ITIH5: variants seen among roughly 807,000 people sequenced by gnomAD.
ITIH5 encodes the protein inter-alpha-trypsin inhibitor heavy chain 5, also known as inter-alpha-trypsin inhibitor heavy chain H5.
A neutral mutation model predicts 77.5 loss-of-function variants in ITIH5; 65 were observed. That is an observed-to-expected ratio of 0.84 (90% CI 0.69 to 1.03). ITIH5 has a LOEUF of 1.03. Ranked by LOEUF, ITIH5 falls within the 50% of genes least tolerant of loss-of-function variation. The pLI is 0.00. For missense variants in ITIH5, 1,208 were observed against 1,213.1 expected (o/e 1.00, Z 0.06); for synonymous variants, 525 against 494.3 (o/e 1.06, Z -0.82).
intron 7 of ITIH5, among the ~76,000 whole-genome samples, chr10:7,598,151 C>A (rs901928763): frequency 6.6e-6 from 1 of 152,152 alleles, no homozygotes; most frequent in Non-Finnish European, 1.5e-5. Flanking sequence ...TCGTGCAATG[C>A]CAAGTTCCTT....
intron 7 of ITIH5, among the ~76,000 whole-genome samples, chr10:7,613,239 T>C (rs1202954361): frequency 2.1e-5 from 3 of 143,690 alleles, no homozygotes; most frequent in Admixed American, 6.8e-5. Flanking sequence ...GAGTGAGACT[T>C]CGTCTCAAAA....
chr10:7,649,281 A>C (rs551487326), intron 2 of ITIH5, among the ~76,000 whole-genome samples: 17 of 139,098 alleles, frequency 1.2e-4, no homozygotes, highest in African/African-American at 3.8e-4. Context: ...TCTTCTTCTT[A>C]TTCTTTCTTC....
Position 7,641,962 on chromosome 10 carries a change from C to A in ITIH5, c.264G>T (p.Gln88His), listed in dbSNP as rs1833896578. The A allele has an allele frequency of 6.2e-7, 1 of 1,614,134 alleles. No homozygotes were observed. Among genetic ancestry groups the A allele is most frequent in the African/African-American group, 1.3e-5 (1 of 75,052 alleles). ...SEDQDIEFQM[Q>H]IPAAAFITNF... ...TGGTGATGAAAGCTGCAGCTGGAAT[C>A]TGCATCTGGAACTCAATGTCCTGGT... The change falls in exon 3 of 14, where the codon CAG (glutamine) becomes CAT (histidine). Residue 88 changes from glutamine (Q) to histidine (H), a missense_variant. By Grantham distance (24) the Gln-to-His change is conservative. Coordinates refer to ENST00000397146, the MANE Select transcript of ITIH5 (RefSeq NM_030569.7).
At position 7,560,974 on chromosome 10, in the gene ITIH5, T is replaced by C. The variant is rs1391543616; in HGVS notation, c.*2109A>G. On this transcript the variant is annotated 3_prime_UTR_variant, in exon 14 of 14. Coordinates refer to ENST00000397146, the MANE Select transcript of ITIH5 (RefSeq NM_030569.7). ...AACAGAAAATACTATATTTTTTTTT[T>C]ATCAAATGCAAAGGTCCTAACTATA... The C allele has an allele frequency of 1.4e-5, 2 of 140,556 alleles. No homozygotes were observed. Among genetic ancestry groups the C allele is most frequent in the African/African-American group, 2.6e-5 (1 of 38,736 alleles). The allele number at this position is 140,556 out of a possible 1,614,324, so 8.7% of individuals were successfully genotyped here.
chr10:7,575,127 A>G (rs1832383672), intron 10 of ITIH5, among the ~76,000 whole-genome samples: 2 of 152,230 alleles, frequency 1.3e-5, no homozygotes, highest in African/African-American at 2.4e-5. Flanking sequence ...GAACTTTTCA[A>G]TACATTTCTG....
intron 7 of ITIH5, among the ~76,000 whole-genome samples, chr10:7,613,277 G>C (rs1447883829): frequency 1.3e-5 from 2 of 150,780 alleles, no homozygotes; most frequent in Admixed American, 6.6e-5. Context: ...AAAAGAACTT[G>C]TAGCCCATAA....
intron 7 of ITIH5, among the ~76,000 whole-genome samples, chr10:7,603,578 TTTG>T (rs1464367257): frequency 6.6e-6 from 1 of 152,066 alleles, no homozygotes; most frequent in Non-Finnish European, 1.5e-5. Context: ...CTGATACGGT[TTTG>T]TTTTTTGTTT....
At chr10:7,603,267 A>G (rs966654331) in intron 7 of ITIH5, among the ~76,000 whole-genome samples, 1 of 152,354 alleles carries the variant, frequency 6.6e-6, no homozygotes, top group Non-Finnish European at 1.5e-5. Flanking sequence ...CCTGGGAGGT[A>G]TCATGCTACC....
In ITIH5 at chr10:7,642,110, C is replaced by T. The variant is rs1447686762; in HGVS notation, c.136-20G>A. 6.2e-7 allele frequency: 1 copy of T among 1,608,050 alleles called. No homozygotes were observed. Among genetic ancestry groups the T allele is most frequent in the Non-Finnish European group, 8.5e-7 (1 of 1,175,602 alleles). On this transcript the variant is annotated intron_variant, in intron 2 of 13. Transcript: ENST00000397146. ...GGTTTTCTGTAGGAATGAAAACACACAGTATCATCGGTGATGCATGAAAGC... is the reference window on the plus strand; with the variant it reads ...GGTTTTCTGTAGGAATGAAAACACATAGTATCATCGGTGATGCATGAAAGC...
intron 5 of ITIH5, 79 bp downstream of exon 5, chr10:7,637,149 C>T (rs1196499262): frequency 1.3e-6 from 2 of 1,520,098 alleles, no homozygotes; most frequent in Admixed American, 1.8e-5. Context: ...GGTGCCATCT[C>T]TTGCAGATTT....
chr10:7,633,812 G>A (rs746683773), intron 5 of ITIH5, among the ~76,000 whole-genome samples: 69 of 152,108 alleles, frequency 4.5e-4, no homozygotes, highest in Admixed American at 2.9e-3. Flanking sequence ...CGTGGTGGCC[G>A]GGCGCGGTGG....
chr10:7,631,789 ATTTT>A (rs34814719), intron 5 of ITIH5, among the ~76,000 whole-genome samples: 1 of 143,604 alleles, frequency 7.0e-6, no homozygotes, highest in African/African-American at 2.6e-5. Flanking sequence ...ACTTTGTTTA[ATTTT>A]TTTTTTTTTT....
intron 4 of ITIH5, 30 bp from the exon 5 acceptor site, chr10:7,637,508 G>A (rs1191507423): frequency 6.2e-7 from 1 of 1,607,978 alleles, no homozygotes; most frequent in South Asian, 1.1e-5. Flanking sequence ...GGACCCCAGG[G>A]AGGTTCGGAA....
rs1169380683 is a variant in ITIH5, at chr10:7,562,937, C to T, written c.*146G>A. On this transcript the variant is annotated 3_prime_UTR_variant, in exon 14 of 14. Coordinates refer to ENST00000397146, the MANE Select transcript of ITIH5 (RefSeq NM_030569.7). ...CACCCCTACCCTTCGCCCAGACAGA[C>T]GTCGGATCTATGCTGCACCAGGGGT... The T allele has an allele frequency of 1.6e-5, 8 of 507,980 alleles. No individual in the cohort carries two copies. The highest frequency in any genetic ancestry group is 2.7e-5 in the Non-Finnish European group (7 of 263,586). 31.5% of individuals were successfully genotyped at this position (507,980 alleles called of 1,614,324 possible).
intron 7 of ITIH5, among the ~76,000 whole-genome samples, chr10:7,613,116 G>C (rs1314867755): frequency 6.6e-6 from 1 of 152,098 alleles, no homozygotes; most frequent in Non-Finnish European, 1.5e-5. Context: ...ATGGTGGCGA[G>C]CACCTGTAAT....
At chr10:7,638,986 T>C (rs1421691277) in intron 4 of ITIH5, among the ~76,000 whole-genome samples, 1 of 152,228 alleles carries the variant, frequency 6.6e-6, no homozygotes, top group Non-Finnish European at 1.5e-5. Flanking sequence ...TGTTATATCA[T>C]TTTATATCAT....
intron 13 of ITIH5, among the ~76,000 whole-genome samples, chr10:7,564,202 T>C (rs4747515): frequency 0.97 from 148,290 of 152,336 alleles, 72,287 homozygotes; most frequent in East Asian, 1. Context: ...CATTCATTTT[T>C]CCAGAAGGCT....
intron 9 of ITIH5, among the ~76,000 whole-genome samples, chr10:7,577,477 C>A (rs1832448979): frequency 6.6e-6 from 1 of 152,216 alleles, no homozygotes; most frequent in African/African-American, 2.4e-5. Flanking sequence ...CCTCACCAGT[C>A]TTGGTAAATT....
intron 2 of ITIH5, among the ~76,000 whole-genome samples, chr10:7,644,720 ATATATCACATATC>A (rs1254372548): frequency 8.9e-5 from 12 of 134,522 alleles, no homozygotes; most frequent in Middle Eastern, 3.8e-3. Flanking sequence ...TATATATCAT[ATATATCACATATC>A]TATATCACAT....
Sources: gnomAD v4.1 joint callset for allele counts (sites outside exome capture counted in the v4.1 genomes callset) on GRCh38, gnomAD v4.1.1 for gene constraint, MANE v1.5 for transcripts, NCBI Gene and HGNC (gene_info 2026-07-23, HGNC 2026-07-21) for gene names.